Variants in PSD4 observed in about 807,000 individuals in gnomAD.
The protein encoded by PSD4 is PH and SEC7 domain-containing protein 4.
PSD4 carries 59 observed loss-of-function variants against 112.5 expected under a neutral mutation model. The ratio of observed to expected loss-of-function variants is 0.52; its 90% CI spans 0.43 to 0.65. The LOEUF (loss-of-function observed/expected upper bound fraction) is 0.65, where lower values mean the gene tolerates loss of function less well. Ranked by LOEUF, PSD4 falls within the 30% of genes least tolerant of loss-of-function variation. PSD4 has a pLI of 0.00. For missense variants in PSD4, 1,267 were observed against 1,352.6 expected, an observed-to-expected ratio of 0.94 and a Z score of 0.99; for synonymous variants, 533 against 540.0, an observed-to-expected ratio of 0.99 and a Z score of 0.18.
rs1688834360 is a variant in PSD4, at chr2:113,204,292, G to A, written c.*2877G>A. On this transcript the variant is annotated 3_prime_UTR_variant, in exon 17 of 17. Transcript: ENST00000245796. ...GGAAGCCTCTCCTAGGGAAAAGACT[G>A]GGGCTCTGACATCTTCCTGCAGATG... The A allele has an allele frequency of 6.6e-6, 1 of 152,306 alleles. No homozygotes were observed. The highest frequency in any genetic ancestry group is 1.5e-5 in the Non-Finnish European group (1 of 68,084). The allele number at this position is 152,306 out of a possible 1,614,324, so 9.4% of individuals were successfully genotyped here. A position where few individuals can be genotyped will look rare whatever the true frequency, so the allele number is the denominator to read the frequency against.
rs141452297 is a variant in PSD4 at position 113,193,331 on chromosome 2, C to T, written c.1993C>T (p.Arg665Cys). 74 of 1,604,068 alleles carry T rather than the reference C, an allele frequency of 4.6e-5. No individual in the cohort carries two copies. The highest frequency in any genetic ancestry group is 5.5e-5 in the Non-Finnish European group (65 of 1,177,072). Residue 665 changes from arginine (R) to cysteine (C), a missense_variant, in exon 8 of 17, where the codon CGC becomes TGC. This residue lies in a region of PSD4 where 544 missense variants were observed against 648.6 expected (regional missense o/e 0.84). Transcript: ENST00000245796. Reference sequence around the variant, plus strand: ...GCGAATCCTCTACCAGTTCTCCAGACGCTTCCACCATTGCAATCCGGGGAT... The same window carrying T: ...GCGAATCCTCTACCAGTTCTCCAGATGCTTCCACCATTGCAATCCGGGGAT... ...RERILYQFSR[R>C]FHHCNPGIFP...
rs746009123 is a variant in PSD4 at position 113,184,936 on chromosome 2, GTCTC to G, written c.1057-14_1057-11del. The G allele has an allele frequency of 2.5e-6, 4 of 1,613,346 alleles. No individual in the cohort carries two copies. Among genetic ancestry groups the G allele is most frequent in the Non-Finnish European group, 3.4e-6 (4 of 1,179,882 alleles). The stretch of plus-strand genomic sequence containing the variant: ...CACCTCTCCTCTCCTTCTCTCCTCT[GTCTC>G]TCTCTCGACTTCTCAGGGAGATAGG... On this transcript the variant is annotated splice_polypyrimidine_tract_variant and intron_variant, in intron 2 of 16. Transcript: ENST00000245796.
rs45544937 is a variant in PSD4, at chr2:113,182,374, C to A, written c.-83C>A. 5,687 of 1,305,118 alleles carry A rather than the reference C, an allele frequency of 4.4e-3. 194 individuals are homozygous for A. The African/African-American group carries it at 0.074, about 17-fold the overall frequency. The allele number at this position is 1,305,118 out of a possible 1,614,324, so 80.8% of individuals were successfully genotyped here. ...AGATATGGATTCCCAGTTTCTCCAG[C>A]GGCCAGTGCTCCCCCTAGTCCACAC... On this transcript the variant is annotated 5_prime_UTR_variant, in exon 2 of 17. Coordinates refer to ENST00000245796, the MANE Select transcript of PSD4 (RefSeq NM_012455.3).
intron 5 of PSD4, among the ~76,000 whole-genome samples, chr2:113,189,351 G>GTATATATATATATATATATATATATATA (rs35251391): frequency 5.6e-4 from 82 of 146,084 alleles, no homozygotes; most frequent in African/African-American, 1.7e-3. Context: ...ATATATAATA[G>GTATATATATATATATATATATATATATA]TATATATATA....
In PSD4 at chr2:113,183,488, A is replaced by G; in HGVS notation, c.1032A>G (p.Ala344=). The stretch of plus-strand genomic sequence containing the variant: ...CTGCCGCTGAGGGGGCTCCTGCAGC[A>G]CCTCCTGGTCACGGGGAGAGTGAGG... ...SVAAAEGAPA[A]PPGHGESEGD... is the part of the protein sequence containing the mutation. Residue 344 remains alanine (A), a synonymous_variant, in exon 2 of 17, where the codon GCA becomes GCG. Coordinates refer to ENST00000245796, the MANE Select transcript of PSD4 (RefSeq NM_012455.3). 6.3e-7 allele frequency: 1 copy of G among 1,585,280 alleles called. No homozygotes were observed. The highest frequency in any genetic ancestry group is 8.6e-7 in the Non-Finnish European group (1 of 1,167,474).
intron 5 of PSD4, among the ~76,000 whole-genome samples, chr2:113,187,615 A>C (rs1307974173): frequency 6.6e-6 from 1 of 152,162 alleles, no homozygotes; most frequent in Non-Finnish European, 1.5e-5. Context: ...AGACTCTCAG[A>C]TGTCACTCAA....
In PSD4 at chr2:113,183,438, C is replaced by T. The variant is rs1199895872; in HGVS notation, c.982C>T (p.His328Tyr). Residue 328 changes from histidine to tyrosine, a missense_variant, in exon 2 of 17, where the codon CAC (histidine) becomes TAC (tyrosine). By Grantham distance (83) the His-to-Tyr change is moderately conservative (BLOSUM62 2). Around this residue, in one of 2 missense-constraint regions of PSD4, gnomAD observed 723 missense variants for 704.0 expected, o/e 1.03. Transcript: ENST00000245796. ...PPFPVPIYKP[H>Y]SICWASVAAA... is the part of the protein sequence containing the mutation. ...ATTCCCTGTGCCCATCTATAAACCA[C>T]ACTCCATCTGCTGGGCCTCAGTGGC... The T allele has an allele frequency of 6.3e-7, 1 of 1,586,226 alleles. No homozygotes were observed. Among genetic ancestry groups the T allele is most frequent in the Non-Finnish European group, 8.6e-7 (1 of 1,167,684 alleles).
intron 9 of PSD4, 60 bp from the exon 10 acceptor site, chr2:113,193,799 G>C: frequency 1.3e-6 from 2 of 1,583,090 alleles, no homozygotes; most frequent in East Asian, 2.2e-5. Context: ...TGCTGGCTGG[G>C]AGGTTATTCT....
chr2:113,183,306 C>T lies in PSD4; in HGVS notation c.850C>T (p.Pro284Ser). The T allele has an allele frequency of 6.2e-7, 1 of 1,611,298 alleles. No individual in the cohort carries two copies. Among genetic ancestry groups the T allele is most frequent in the Non-Finnish European group, 8.5e-7 (1 of 1,178,324 alleles). The change falls in exon 2 of 17, where the codon CCA becomes TCA. Residue 284 changes from proline to serine, a missense_variant. Coordinates refer to ENST00000245796, the MANE Select transcript of PSD4 (RefSeq NM_012455.3). Reference protein sequence around the residue: ...HAGVRTGPESPATLEPPLPED... With the variant: ...HAGVRTGPESSATLEPPLPED... ...AGGTGTGAGGACTGGACCTGAGAGC[C>T]CAGCGACTCTGGAGCCTCCCCTCCC...
At chr2:113,183,572 C>A (rs1688213085) in intron 2 of PSD4, 60 bp downstream of exon 2, 1 of 1,416,626 alleles carries the variant, frequency 7.1e-7, no homozygotes, top group Admixed American at 2.5e-5. Flanking sequence ...GGAGGGTCTT[C>A]CTCGGGGGTC....
In PSD4 at chr2:113,203,065, A is replaced by G. The variant is rs1326231959; in HGVS notation, c.*1650A>G. ...GTCTGTGTGTTCATGCATATGCAGG[A>G]GTCACACGGTCATAGGCCATCAAAG... On this transcript the variant is annotated 3_prime_UTR_variant, in exon 17 of 17. Coordinates refer to ENST00000245796, the MANE Select transcript of PSD4 (RefSeq NM_012455.3). 1.3e-5 allele frequency: 2 copies of G among 152,310 alleles called. No individual in the cohort carries two copies. Among genetic ancestry groups the G allele is most frequent in the Non-Finnish European group, 2.9e-5 (2 of 68,068 alleles). 9.4% of individuals were successfully genotyped at this position (152,310 alleles called of 1,614,324 possible).
rs1037790608 is a variant in PSD4, at chr2:113,208,873, G to A, written c.*7458G>A. ...CCCACTTGAAAGAAATCCCAGTGCT[G>A]AAGAAAGAATTGAAACATACAGATC... On this transcript the variant is annotated 3_prime_UTR_variant, in exon 17 of 17. Transcript: ENST00000245796. 1 of 152,184 alleles carries A rather than the reference G, an allele frequency of 6.6e-6. No individual in the cohort carries two copies. Among genetic ancestry groups the A allele is most frequent in the African/African-American group, 2.4e-5 (1 of 41,418 alleles). The allele number at this position is 152,184 out of a possible 1,614,324, so 9.4% of individuals were successfully genotyped here.
At position 113,193,593 on chromosome 2, in the gene PSD4, T is replaced by C; in HGVS notation, c.2034T>C (p.Asp678=). 1 of 1,613,208 alleles carries C rather than the reference T, an allele frequency of 6.2e-7. No homozygotes were observed. The highest frequency in any genetic ancestry group is 2.2e-5 in the East Asian group (1 of 44,874). Residue 678 remains aspartate (D), a splice_region_variant and synonymous_variant, in exon 9 of 17, where the codon GAT becomes GAC. Coordinates refer to ENST00000245796, the MANE Select transcript of PSD4 (RefSeq NM_012455.3). The part of the protein sequence containing the change: ...HCNPGIFPSV[D]SVHTLTCAIM... ...TCCACTTACCTATCTCTGGGGTAGA[T>C]TCTGTACACACCTTGACATGTGCAA...
intron 10 of PSD4, among the ~76,000 whole-genome samples, 184 bp from the exon 11 acceptor site, chr2:113,195,537 ATGGATG>A (rs1558653907): frequency 2.0e-5 from 1 of 50,988 alleles, no homozygotes. Context: ...TGTTGCACGG[ATGGATG>A]GATGGATGGA....
At chr2:113,193,681 C>CA in intron 9 of PSD4, 31 bp downstream of exon 9, 1 of 1,603,406 alleles carries the variant, frequency 6.2e-7, no homozygotes, top group South Asian at 1.1e-5. Context: ...CCTGTGGGAA[C>CA]TGAGGCTGTA....
intron 1 of PSD4, 103 bp downstream of exon 1, chr2:113,174,157 G>C (rs1167365973): frequency 6.5e-6 from 1 of 152,906 alleles, no homozygotes. Flanking sequence ...TGGGGCAGGT[G>C]GGCAGGGGAG....
chr2:113,186,126 C>T lies in PSD4; in HGVS notation c.1499C>T (p.Pro500Leu). The stretch of plus-strand genomic sequence containing the variant: ...CTCTTGGAGACGGATGGGGAACAGC[C>T]AAGTTCCTTGAAGAAAAAGGAGGCA... ...SSLLETDGEQ[P>L]SSLKKKEAGE... is the part of the protein sequence containing the mutation. The change falls in exon 5 of 17, where the codon CCA becomes CTA. Residue 500 changes from proline to leucine, a missense_variant. Physicochemically the swap from Pro to Leu is moderately conservative, Grantham distance 98 (BLOSUM62 -3). This residue lies in a region of PSD4 where 723 missense variants were observed against 704.0 expected (regional missense o/e 1.03). Transcript: ENST00000245796. The T allele has an allele frequency of 6.2e-7, 1 of 1,614,180 alleles. No individual in the cohort carries two copies. The highest frequency in any genetic ancestry group is 8.5e-7 in the Non-Finnish European group (1 of 1,180,052).
Position 113,183,000 on chromosome 2 carries a change from G to A in PSD4, c.544G>A (p.Ala182Thr), listed in dbSNP as rs1233192578. The change falls in exon 2 of 17, where the codon GCT becomes ACT. Residue 182 changes from alanine (A) to threonine (T), a missense_variant. Ala to Thr is a moderately conservative substitution (Grantham distance 58, BLOSUM62 0). Coordinates refer to ENST00000245796, the MANE Select transcript of PSD4 (RefSeq NM_012455.3). ...GCTGGAGAAGACGGAAGGGCTCAAG[G>A]CTGGGCTGAAATGCTGTCTCCCCAC... ...EELEKTEGLK[A>T]GLKCCLPTPP... 4 of 1,614,138 alleles carry A rather than the reference G, an allele frequency of 2.5e-6. No homozygotes were observed. Among genetic ancestry groups the A allele is most frequent in the South Asian group, 1.1e-5 (1 of 91,086 alleles).
rs1688518387 is a variant in PSD4, at chr2:113,193,616, C to T, written c.2057C>T (p.Ala686Val). The T allele has an allele frequency of 6.2e-7, 1 of 1,613,826 alleles. No homozygotes were observed. The highest frequency in any genetic ancestry group is 8.5e-7 in the Non-Finnish European group (1 of 1,179,710). Residue 686 changes from alanine (A) to valine (V), a missense_variant, in exon 9 of 17, where the codon GCA (alanine) becomes GTA (valine). By Grantham distance (64) the Ala-to-Val change is moderately conservative. This residue lies in a region of PSD4 where 544 missense variants were observed against 648.6 expected (regional missense o/e 0.84). Coordinates refer to ENST00000245796, the MANE Select transcript of PSD4 (RefSeq NM_012455.3). ...GATTCTGTACACACCTTGACATGTG[C>T]AATCATGCTGCTTAACACGGACCTG... ...SVDSVHTLTCAIMLLNTDLHG... is the reference protein window; with the variant it reads ...SVDSVHTLTCVIMLLNTDLHG...
Sources: allele counts gnomAD v4.1 joint callset (sites outside exome capture counted in the v4.1 genomes callset), GRCh38; gene constraint gnomAD v4.1.1; regional missense constraint gnomAD v4.1.1; transcripts MANE v1.5; gene names NCBI Gene and HGNC (gene_info 2026-07-23, HGNC 2026-07-21).